The following PTPN2 variants were observed in gnomAD, a reference collection of about 807,000 sequenced individuals.
The protein encoded by PTPN2 is tyrosine-protein phosphatase non-receptor type 2.
In PTPN2, 19 loss-of-function variants were observed where a neutral mutation model predicts 57.3. That is an observed-to-expected ratio of 0.33 (90% CI 0.23 to 0.49). The LOEUF (loss-of-function observed/expected upper bound fraction) is 0.49, where lower values mean the gene tolerates loss of function less well. Ranked by LOEUF, PTPN2 falls within the 20% of genes least tolerant of loss-of-function variation. The pLI is 0.99. For synonymous variants in PTPN2, 153 were observed against 164.9 expected (o/e 0.93, Z 0.55); for missense variants, 358 against 501.1 (o/e 0.71, Z 2.73).
At position 12,860,634 on chromosome 18, in the gene PTPN2, C is replaced by T. The variant is rs147594740; in HGVS notation, c.70-1380G>A. ...AAAATTAGCCAAGCCTGGTGACGAG[C>T]GCCTGTAATCCCAGCTACTCAGGAG... On this transcript the variant is annotated intron_variant, in intron 1 of 8. Transcript: ENST00000309660. Among the ~76,000 whole-genome samples the T allele has an allele frequency of 6.9e-4, 105 of 151,256 alleles. 1 individual carries two copies. The East Asian group carries it at 0.02, about 29-fold the overall frequency.
chr18:12,834,326 CAA>C (rs11368721), intron 3 of PTPN2, among the ~76,000 whole-genome samples: 10 of 133,172 alleles, frequency 7.5e-5, no homozygotes, highest in Admixed American at 7.6e-5. Context: ...GACTCCATCT[CAA>C]AAAAAAAAAA....
At chr18:12,836,703 A>G (rs1048898450) in intron 3 of PTPN2, 88 bp downstream of exon 3, 1 of 781,112 alleles carries the variant, frequency 1.3e-6, no homozygotes, top group Non-Finnish European at 2.1e-6. Flanking sequence ...TTCCAAAAGA[A>G]GTCAAGATAT....
At position 12,836,779 on chromosome 18, in the gene PTPN2, C is replaced by T. The variant is rs947062869; in HGVS notation, c.261+12G>A. On this transcript the variant is annotated intron_variant, in intron 3 of 8. Coordinates refer to ENST00000309660, the MANE Select transcript of PTPN2 (RefSeq NM_002828.4). ...TCATTTTCAGACATTTGCGTGGTAT[C>T]GTATTACTTGCCTGTGTTAAGATGT... is the stretch of plus-strand genomic sequence containing the variant. 11 of 1,503,094 alleles carry T rather than the reference C, an allele frequency of 7.3e-6. No homozygotes were observed. Among genetic ancestry groups the T allele is most frequent in the Non-Finnish European group, 8.3e-6 (9 of 1,082,918 alleles). The allele number at this position is 1,503,094 out of a possible 1,614,324, so 93.1% of individuals were successfully genotyped here. A position where few individuals can be genotyped will look rare whatever the true frequency, so the allele number is the denominator to read the frequency against.
chr18:12,881,634 G>A (rs2044669847), intron 1 of PTPN2, among the ~76,000 whole-genome samples: 1 of 152,092 alleles, frequency 6.6e-6, no homozygotes, highest in African/African-American at 2.4e-5. Context: ...CTCCCTCCTT[G>A]CTGGAACAGT....
At chr18:12,788,678 G>A (rs780311180), downstream of PTPN2, among the ~76,000 whole-genome samples, 3 of 151,980 alleles carry the variant, frequency 2.0e-5, no homozygotes, top group South Asian at 2.1e-4. Context: ...TACAGTCGGC[G>A]ATGGCTTCAT....
chr18:12,830,914 C>A lies in PTPN2; in HGVS notation c.360+29G>T, dbSNP rs546645927. ...TATGCTAATGATCACATACAGTATA[C>A]TAAGTTGTAAATATTAAATATTACT... On this transcript the variant is annotated intron_variant, in intron 4 of 8. Transcript: ENST00000309660. The A allele has an allele frequency of 1.6e-5, 24 of 1,482,856 alleles. No homozygotes were observed. In the South Asian group the frequency reaches 2.4e-4, roughly 15 times the overall value. The allele number at this position is 1,482,856 out of a possible 1,614,324, so 91.9% of individuals were successfully genotyped here.
At chr18:12,872,910 G>T (rs887478846) in intron 1 of PTPN2, among the ~76,000 whole-genome samples, 6 of 152,132 alleles carry the variant, frequency 3.9e-5, no homozygotes, top group African/African-American at 1.4e-4. Context: ...GCACTGCAGG[G>T]CAATGCTATT....
intron 6 of PTPN2, 21 bp downstream of exon 6, chr18:12,817,135 G>C (rs762012133): frequency 6.3e-7 from 1 of 1,593,722 alleles, no homozygotes; most frequent in Admixed American, 1.8e-5. Context: ...AGATTAAAAT[G>C]AGATCGTAAG....
intron 1 of PTPN2, among the ~76,000 whole-genome samples, chr18:12,876,406 C>CA (rs71174151): frequency 0.087 from 13,093 of 150,698 alleles, 746 homozygotes; most frequent in East Asian, 0.17. Flanking sequence ...TTTGAGTCTG[C>CA]AGTGACCTAC....
intron 7 of PTPN2, among the ~76,000 whole-genome samples, chr18:12,809,853 T>C (rs1352225243): frequency 6.6e-6 from 1 of 152,198 alleles, no homozygotes; most frequent in African/African-American, 2.4e-5. Flanking sequence ...AGTTTCTAAT[T>C]TGTCTCATTG....
At chr18:12,870,392 T>TATAC (rs1491559237) in intron 1 of PTPN2, among the ~76,000 whole-genome samples, 3 of 67,674 alleles carry the variant, frequency 4.4e-5, no homozygotes, top group Non-Finnish European at 8.2e-5. Flanking sequence ...TACGTATATA[T>TATAC]GTATATATAC....
At chr18:12,786,742 C>T (rs1013321042) in intron 9 of PTPN2, 3 of 152,192 alleles carry the variant, frequency 2.0e-5, no homozygotes, top group Non-Finnish European at 4.4e-5. Flanking sequence ...TAGTCAAAAA[C>T]TCCCAAATGC....
intron 4 of PTPN2, among the ~76,000 whole-genome samples, chr18:12,828,246 G>A (rs554214338): frequency 4.6e-5 from 7 of 152,282 alleles, no homozygotes; most frequent in African/African-American, 1.7e-4. Flanking sequence ...ATGCTCACAA[G>A]TCCCTCCTTA....
intron 8 of PTPN2, among the ~76,000 whole-genome samples, chr18:12,794,732 G>A (rs2041103237): frequency 1.3e-5 from 2 of 151,902 alleles, no homozygotes; most frequent in Admixed American, 1.3e-4. Context: ...AGTGATTCTC[G>A]TGCCTCAGCC....
intron 8 of PTPN2, among the ~76,000 whole-genome samples, chr18:12,801,602 T>G (rs534629193): frequency 2.0e-5 from 3 of 152,252 alleles, no homozygotes; most frequent in Admixed American, 2.0e-4. Context: ...GGGTCTTGCT[T>G]TGTCACCCAG....
At chr18:12,807,574 A>G (rs1339528457) in intron 7 of PTPN2, among the ~76,000 whole-genome samples, 1,362 of 49,182 alleles carry the variant, frequency 0.028, 70 homozygotes, top group African/African-American at 0.06. Context: ...TGTGGAAAAA[A>G]AAAAAAAAAA....
At chr18:12,822,747 C>T (rs1375571102) in intron 5 of PTPN2, among the ~76,000 whole-genome samples, 1 of 152,158 alleles carries the variant, frequency 6.6e-6, no homozygotes, top group African/African-American at 2.4e-5. Context: ...CACTTTTTCT[C>T]ACTCCCATTG....
At chr18:12,835,901 G>GT (rs1282496838) in intron 3 of PTPN2, among the ~76,000 whole-genome samples, 4 of 151,690 alleles carry the variant, frequency 2.6e-5, no homozygotes, top group Non-Finnish European at 5.9e-5. Context: ...TCCATGGGCT[G>GT]TTTTTTTTCT....
At chr18:12,877,147 G>C (rs1270285474) in intron 1 of PTPN2, among the ~76,000 whole-genome samples, 1 of 152,098 alleles carries the variant, frequency 6.6e-6, no homozygotes, top group Admixed American at 6.5e-5. Flanking sequence ...ATTTTAAAAG[G>C]GAACAGTTTT....
Sources: allele counts gnomAD v4.1 joint callset (sites outside exome capture counted in the v4.1 genomes callset), GRCh38; gene constraint gnomAD v4.1.1; transcripts MANE v1.5; gene names NCBI Gene and HGNC (gene_info 2026-07-23, HGNC 2026-07-21).